COP1: variants seen among roughly 807,000 people sequenced by gnomAD.
COP1 encodes the protein E3 ubiquitin-protein ligase COP1.
A neutral mutation model predicts 101.3 loss-of-function variants in COP1; 24 were observed. The ratio of observed to expected loss-of-function variants is 0.24; its 90% confidence interval spans 0.17 to 0.33. The LOEUF (loss-of-function observed/expected upper bound fraction) is 0.33, where lower values mean the gene tolerates loss of function less well. Ranked by LOEUF, COP1 falls within the 10% of genes least tolerant of loss-of-function variation. The pLI is 1.00. For synonymous variants in COP1, 347 were observed against 341.9 expected, an observed-to-expected ratio of 1.01 and a Z score of -0.17; for missense variants, 663 against 906.2, an observed-to-expected ratio of 0.73 and a Z score of 3.45.
At chr1:176,040,612 C>G (rs555317959) in intron 14 of COP1, among the ~76,000 whole-genome samples, 1 of 152,044 alleles carries the variant, frequency 6.6e-6, no homozygotes, top group African/African-American at 2.4e-5. Flanking sequence ...GCCTGGCTGA[C>G]GAGTTCTTAA....
Position 176,032,714 on chromosome 1 carries a change from G to C in COP1, c.1613-5026C>G, listed in dbSNP as rs535465647. Among the ~76,000 whole-genome samples the C allele has an allele frequency of 4.7e-4, 71 of 152,158 alleles. No homozygotes were observed. The South Asian group carries it at 7.3e-3, about 16-fold the overall frequency. ...GCGAAGAGAGAAAATGATGAAGATA[G>C]AGGCTACAGAGTCTTTTATAACCTA... On this transcript the variant is annotated intron_variant, in intron 14 of 19. Coordinates refer to ENST00000367669, the MANE Select transcript of COP1 (RefSeq NM_022457.7).
intron 15 of COP1, among the ~76,000 whole-genome samples, chr1:175,992,386 C>T (rs967471530): frequency 2.6e-5 from 4 of 152,182 alleles, no homozygotes; most frequent in Non-Finnish European, 4.4e-5. Context: ...GAGTGCCAGA[C>T]AGTGGGTGCA....
chr1:176,153,275 G>A (rs899030095), intron 5 of COP1, among the ~76,000 whole-genome samples: 1 of 151,944 alleles, frequency 6.6e-6, no homozygotes, highest in African/African-American at 2.4e-5. Context: ...TGTCCCTGGG[G>A]TATAAAATTC....
intron 10 of COP1, among the ~76,000 whole-genome samples, chr1:176,083,936 A>G (rs982006470): frequency 3.9e-5 from 6 of 152,292 alleles, no homozygotes; most frequent in Admixed American, 3.3e-4. Flanking sequence ...AAATCTATCT[A>G]ATTTTCCACC....
chr1:176,192,490 A>G (rs895467297), intron 1 of COP1, among the ~76,000 whole-genome samples: 1 of 152,032 alleles, frequency 6.6e-6, no homozygotes, highest in Non-Finnish European at 1.5e-5. Flanking sequence ...CAGCACCAAC[A>G]CTACACCAAG....
At chr1:176,144,259 G>C (rs747736858) in intron 6 of COP1, among the ~76,000 whole-genome samples, 2 of 152,066 alleles carry the variant, frequency 1.3e-5, no homozygotes, top group Non-Finnish European at 2.9e-5. Context: ...CAGGTTGCTG[G>C]ATATTTTTAA....
chr1:176,201,361 G>GTACCA, intron 1 of COP1, among the ~76,000 whole-genome samples: 1 of 152,060 alleles, frequency 6.6e-6, no homozygotes, highest in Non-Finnish European at 1.5e-5. Flanking sequence ...GAAAAGGGTA[G>GTACCA]CAGGTTAAAA....
At chr1:175,945,793 A>G (rs1197687525) in intron 19 of COP1, among the ~76,000 whole-genome samples, 6 of 152,244 alleles carry the variant, frequency 3.9e-5, no homozygotes, top group Non-Finnish European at 8.8e-5. Flanking sequence ...ATTACATTAG[A>G]TGGACACTAC....
rs141727637 is a variant in COP1 at position 176,095,811 on chromosome 1, G to A, written c.1027-9921C>T. 4.9e-4 allele frequency among the ~76,000 whole-genome samples: 75 copies of A among 152,092 alleles called. 1 individual carries two copies. Among genetic ancestry groups the A allele is most frequent in the Non-Finnish European group, 1.0e-3 (68 of 67,998 alleles). ...AAATAAAGGCAACAGCACCAAATCC[G>A]ACTGGTAGACACTGTTCTTCATTAC... On this transcript the variant is annotated intron_variant, in intron 9 of 19. Transcript: ENST00000367669.
intron 15 of COP1, among the ~76,000 whole-genome samples, chr1:176,025,155 A>C (rs1667445089): frequency 6.6e-6 from 1 of 152,154 alleles, no homozygotes; most frequent in African/African-American, 2.4e-5. Context: ...AGTAAAGTAA[A>C]ACAATTTGAA....
At chr1:175,949,617 AGT>A (rs1649624354) in intron 18 of COP1, among the ~76,000 whole-genome samples, 1 of 152,204 alleles carries the variant, frequency 6.6e-6, no homozygotes, top group South Asian at 2.1e-4. Flanking sequence ...TGATCAACCT[AGT>A]TGCCATTCAA....
chr1:176,087,017 C>T (rs1680315801), intron 9 of COP1, among the ~76,000 whole-genome samples: 1 of 152,250 alleles, frequency 6.6e-6, no homozygotes. Context: ...GAAAGGATTC[C>T]CTATTTAGTA....
intron 6 of COP1, among the ~76,000 whole-genome samples, chr1:176,144,211 A>G (rs1463076569): frequency 6.6e-6 from 1 of 152,214 alleles, no homozygotes; most frequent in Admixed American, 6.5e-5. Flanking sequence ...AAAACATACA[A>G]GAATCTACAA....
chr1:176,041,845 G>C (rs542808033), intron 14 of COP1, among the ~76,000 whole-genome samples: 4 of 152,092 alleles, frequency 2.6e-5, no homozygotes, highest in Non-Finnish European at 1.5e-5. Context: ...CAGGTGCAGT[G>C]GCTCACATCT....
At chr1:175,962,827 T>C (rs1333131179) in intron 18 of COP1, among the ~76,000 whole-genome samples, 1 of 152,118 alleles carries the variant, frequency 6.6e-6, no homozygotes, top group Non-Finnish European at 1.5e-5. Flanking sequence ...TCAATTCACA[T>C]GTGTTAAGTT....
intron 9 of COP1, among the ~76,000 whole-genome samples, chr1:176,111,765 C>T (rs1429135804): frequency 6.6e-6 from 1 of 151,920 alleles, no homozygotes; most frequent in East Asian, 1.9e-4. Context: ...TTTGCATTTG[C>T]CAGGCTTATA....
intron 9 of COP1, among the ~76,000 whole-genome samples, chr1:176,098,659 T>C (rs1401101948): frequency 6.6e-6 from 1 of 152,256 alleles, no homozygotes; most frequent in African/African-American, 2.4e-5. Context: ...ATCTGCTCTT[T>C]AGGAAAATTT....
intron 14 of COP1, among the ~76,000 whole-genome samples, chr1:176,038,425 T>A (rs924727823): frequency 6.6e-6 from 1 of 152,118 alleles, no homozygotes; most frequent in Non-Finnish European, 1.5e-5. Context: ...GCAAAGGAAA[T>A]AGAAGAGTTA....
chr1:176,045,148 T>A (rs1671292430), intron 12 of COP1, among the ~76,000 whole-genome samples: 2 of 152,188 alleles, frequency 1.3e-5, no homozygotes. Context: ...TGTGCTCAGC[T>A]TTCTTTGTAT....
Sources: allele counts gnomAD v4.1 joint callset (sites outside exome capture counted in the v4.1 genomes callset), GRCh38; gene constraint gnomAD v4.1.1; transcripts MANE v1.5; gene names NCBI Gene and HGNC (gene_info 2026-07-23, HGNC 2026-07-21).